VAX2: variants seen among roughly 807,000 people sequenced by gnomAD.
The protein encoded by VAX2 is ventral anterior homeobox 2.
VAX2 carries 8 observed loss-of-function variants against 12.5 expected under a neutral mutation model. The observed-to-expected ratio is 0.64, with a 90% CI of 0.37 to 1.15. The LOEUF (loss-of-function observed/expected upper bound fraction) is 1.15, where lower values mean the gene tolerates loss of function less well. VAX2 is among the 50% of genes most tolerant of loss of function. The pLI, the probability that VAX2 is intolerant of heterozygous loss-of-function variation, is 0.01. For missense variants in VAX2, 476 were observed against 412.9 expected, an observed-to-expected ratio of 1.15 and a Z score of -1.32; for synonymous variants, 183 against 187.6, an observed-to-expected ratio of 0.98 and a Z score of 0.20.
At chr2:70,901,441 C>G (rs1553409768) in intron 1 of VAX2, among the ~76,000 whole-genome samples, 1 of 152,262 alleles carries the variant, frequency 6.6e-6, no homozygotes, top group East Asian at 1.9e-4. Flanking sequence ...GCTTCACTCT[C>G]TCGGTTCCCA....
At chr2:70,919,785 G>A (rs1338341595) in intron 1 of VAX2, among the ~76,000 whole-genome samples, 1 of 152,216 alleles carries the variant, frequency 6.6e-6, no homozygotes. Flanking sequence ...CCTAGAGGTC[G>A]AGACTGCAGT....
At chr2:70,915,383 C>G (rs959769253) in intron 1 of VAX2, among the ~76,000 whole-genome samples, 11 of 152,068 alleles carry the variant, frequency 7.2e-5, no homozygotes. Context: ...TGCCTGCCAC[C>G]GCATCCAGCT....
chr2:70,923,637 C>T lies in VAX2; in HGVS notation c.435+2352C>T, dbSNP rs546159801. Among the ~76,000 whole-genome samples the T allele has an allele frequency of 1.2e-3, 185 of 152,120 alleles. 1 individual carries two copies. Among genetic ancestry groups the T allele is most frequent in the Admixed American group, 3.1e-3 (47 of 15,280 alleles). ...CAGGTTTGACAATTCACTAGAATGA[C>T]GCACACAACTCAGGAAACACCTCCC... On this transcript the variant is annotated intron_variant, in intron 2 of 2. Transcript: ENST00000234392.
chr2:70,906,954 T>A (rs1309216830), intron 1 of VAX2, among the ~76,000 whole-genome samples: 1 of 152,350 alleles, frequency 6.6e-6, no homozygotes, highest in South Asian at 2.1e-4. Context: ...TCTTCCCGGA[T>A]GCTTTTAGTG....
At chr2:70,903,013 G>A (rs1483127363) in intron 1 of VAX2, among the ~76,000 whole-genome samples, 1 of 152,206 alleles carries the variant, frequency 6.6e-6, no homozygotes, top group Non-Finnish European at 1.5e-5. Context: ...TTTAATGATA[G>A]GGAGGTTATT....
At chr2:70,907,369 G>A (rs1283035025) in intron 1 of VAX2, among the ~76,000 whole-genome samples, 1 of 152,234 alleles carries the variant, frequency 6.6e-6, no homozygotes, top group Admixed American at 6.5e-5. Flanking sequence ...TTCGGCTTTC[G>A]GCGGCAGCCG....
intron 1 of VAX2, among the ~76,000 whole-genome samples, chr2:70,905,586 A>G (rs1169460589): frequency 1.3e-5 from 2 of 152,094 alleles, no homozygotes; most frequent in African/African-American, 2.4e-5. Flanking sequence ...CAGGAAGATT[A>G]GACAGCTCCT....
At chr2:70,911,928 A>G (rs1553411282) in intron 1 of VAX2, among the ~76,000 whole-genome samples, 1 of 152,172 alleles carries the variant, frequency 6.6e-6, no homozygotes, top group East Asian at 1.9e-4. Context: ...CTTTCTAGAA[A>G]GTTATTTTAT....
At chr2:70,916,710 C>T (rs1042280221) in intron 1 of VAX2, among the ~76,000 whole-genome samples, 1 of 151,916 alleles carries the variant, frequency 6.6e-6, no homozygotes, top group Non-Finnish European at 1.5e-5. Flanking sequence ...TCCTTTTTTT[C>T]CTGAGTAGTA....
In VAX2 at chr2:70,933,175, G is replaced by A. The variant is rs147336899; in HGVS notation, c.844G>A (p.Ala282Thr). 5.6e-5 allele frequency: 86 copies of A among 1,530,796 alleles called. No individual in the cohort carries two copies. The African/African-American group carries it at 8.5e-4, about 15-fold the overall frequency. The allele number at this position is 1,530,796 out of a possible 1,614,324, so 94.8% of individuals were successfully genotyped here. ...YSWLERKVGS[A>T]SSCKKANT Reference sequence around the variant, plus strand: ...CTGGCTAGAACGGAAAGTGGGCAGCGCCAGCAGCTGCAAGAAAGCTAACAC... The same window carrying A: ...CTGGCTAGAACGGAAAGTGGGCAGCACCAGCAGCTGCAAGAAAGCTAACAC... The change falls in exon 3 of 3, where the codon GCC becomes ACC. Residue 282 changes from alanine to threonine, a missense_variant. By Grantham distance (58) the Ala-to-Thr change is moderately conservative (BLOSUM62 0). Transcript: ENST00000234392.
At chr2:70,918,634 C>A (rs782047823) in intron 1 of VAX2, among the ~76,000 whole-genome samples, 228 of 152,230 alleles carry the variant, frequency 1.5e-3, no homozygotes, top group Admixed American at 4.6e-3. Flanking sequence ...CAGTGGCTCA[C>A]GCCTGTAATC....
At chr2:70,914,177 G>T (rs1240556031) in intron 1 of VAX2, among the ~76,000 whole-genome samples, 1 of 152,210 alleles carries the variant, frequency 6.6e-6, no homozygotes, top group Admixed American at 6.5e-5. Context: ...GCCAGGTGCG[G>T]TGGCTCATAT....
Position 70,900,655 on chromosome 2 carries a change from C to G in VAX2, c.34C>G (p.Pro12Ala). The G allele has an allele frequency of 1.6e-6, 2 of 1,280,628 alleles. No homozygotes were observed. Among genetic ancestry groups the G allele is most frequent in the Admixed American group, 4.2e-5 (1 of 23,850 alleles). The allele number at this position is 1,280,628 out of a possible 1,614,324, so 79.3% of individuals were successfully genotyped here. ...TGGGGGCGCCGAGCGCGACCGGGGCCCCGCGCGCCGGGCGGAGTCTGGTGG... is the reference window on the plus strand; with the variant it reads ...TGGGGGCGCCGAGCGCGACCGGGGCGCCGCGCGCCGGGCGGAGTCTGGTGG... ...GDGGAERDRGPARRAESGGGG... is the reference protein window; with the variant it reads ...GDGGAERDRGAARRAESGGGG... Residue 12 changes from proline to alanine, a missense_variant, in exon 1 of 3, where the codon CCC (proline) becomes GCC (alanine). Coordinates refer to ENST00000234392, the MANE Select transcript of VAX2 (RefSeq NM_012476.3).
At chr2:70,903,754 G>T (rs560632426) in intron 1 of VAX2, among the ~76,000 whole-genome samples, 1 of 152,166 alleles carries the variant, frequency 6.6e-6, no homozygotes, top group African/African-American at 2.4e-5. Flanking sequence ...GTGGACCTTC[G>T]TTGTCTGAGG....
rs781910150 is a variant in VAX2 at position 70,933,118 on chromosome 2, G to T, written c.787G>T (p.Glu263Ter). 6.2e-7 allele frequency: 1 copy of T among 1,608,444 alleles called. No individual in the cohort carries two copies. The highest frequency in any genetic ancestry group is 8.5e-7 in the Non-Finnish European group (1 of 1,177,804). ...APLLDLPAGYELGSSAFEPYS... is the reference protein window; with the variant it reads ...APLLDLPAGY ...GCTCCTGGATCTGCCTGCCGGCTACGAACTGGGTTCCTCGGCCTTCGAGCC... is the reference window on the plus strand; with the variant it reads ...GCTCCTGGATCTGCCTGCCGGCTACTAACTGGGTTCCTCGGCCTTCGAGCC... Residue 263 changes from glutamate to a stop codon, truncating the protein, a stop_gained, in exon 3 of 3, where the codon GAA (glutamate) becomes TAA (stop). Transcript: ENST00000234392. LOFTEE classifies it high-confidence loss of function.
chr2:70,906,651 C>G (rs1679068879), intron 1 of VAX2, among the ~76,000 whole-genome samples: 1 of 151,108 alleles, frequency 6.6e-6, no homozygotes, highest in African/African-American at 2.4e-5. Context: ...TCATCGACCT[C>G]CCAAAGTGCT....
At chr2:70,901,259 C>A (rs1303501966) in intron 1 of VAX2, among the ~76,000 whole-genome samples, 2 of 152,238 alleles carry the variant, frequency 1.3e-5, no homozygotes, top group Non-Finnish European at 2.9e-5. Flanking sequence ...GTGGAGGGAG[C>A]AGCGTCGGCA....
chr2:70,928,680 C>T (rs577742259), intron 2 of VAX2, among the ~76,000 whole-genome samples: 6 of 152,292 alleles, frequency 3.9e-5, no homozygotes, highest in East Asian at 3.9e-4. Flanking sequence ...TCCCTGAGTA[C>T]GAATTGCCCT....
chr2:70,921,152 G>A lies in VAX2; in HGVS notation c.302G>A (p.Arg101Gln), dbSNP rs781956673. ...IVLPKGLDLD[R>Q]PKRTRTSFTA... ...CTGCCTAAGGGCCTGGACCTGGACC[G>A]GCCCAAGCGGACACGTACATCCTTC... The change falls in exon 2 of 3, where the codon CGG (arginine) becomes CAG (glutamine). Residue 101 changes from arginine to glutamine, a missense_variant. Coordinates refer to ENST00000234392, the MANE Select transcript of VAX2 (RefSeq NM_012476.3). The A allele has an allele frequency of 1.5e-5, 24 of 1,613,010 alleles. No individual in the cohort carries two copies. In the East Asian group the frequency reaches 3.1e-4, roughly 21 times the overall value.
Sources: gnomAD v4.1 joint callset for allele counts (sites outside exome capture counted in the v4.1 genomes callset) on GRCh38, gnomAD v4.1.1 for gene constraint, MANE v1.5 for transcripts, NCBI Gene and HGNC (gene_info 2026-07-23, HGNC 2026-07-21) for gene names.